The following NPAS3 variants were observed in gnomAD, a reference collection of about 807,000 sequenced individuals.
The protein encoded by NPAS3 is neuronal PAS domain protein 3.
A neutral mutation model predicts 73.1 loss-of-function variants in NPAS3; 14 were observed. The ratio of observed to expected loss-of-function variants is 0.19; its 90% CI spans 0.13 to 0.30. The LOEUF (loss-of-function observed/expected upper bound fraction) is 0.30. Ranked by LOEUF, NPAS3 falls within the 10% of genes least tolerant of loss-of-function variation. The pLI, the probability that NPAS3 is intolerant of heterozygous loss-of-function variation, is 1.00. For synonymous variants in NPAS3, 620 were observed against 541.5 expected (o/e 1.14, Z -2.01); for missense variants, 1,096 against 1,250.0 (o/e 0.88, Z 1.86).
intron 7 of NPAS3, among the ~76,000 whole-genome samples, chr14:33,762,956 G>T (rs1421948374): frequency 6.6e-6 from 1 of 152,176 alleles, no homozygotes; most frequent in East Asian, 1.9e-4. Flanking sequence ...AACAAAAGAG[G>T]AAAATGGAAG....
At chr14:33,784,745 A>ATTTATTTATTTTTTTT (rs1471526546) in intron 9 of NPAS3, among the ~76,000 whole-genome samples, 22 of 73,840 alleles carry the variant, frequency 3.0e-4, no homozygotes, top group African/African-American at 1.3e-3. Flanking sequence ...TTATTTATTT[A>ATTTATTTATTTTTTTT]TTTTTTTTTT....
At chr14:33,022,571 A>G (rs1253332138) in intron 1 of NPAS3, among the ~76,000 whole-genome samples, 1 of 150,078 alleles carries the variant, frequency 6.7e-6, no homozygotes, top group African/African-American at 2.5e-5. Context: ...AGGCTGAGGC[A>G]GGAGAATGGC....
At chr14:33,669,716 T>C (rs1567109847) in intron 5 of NPAS3, among the ~76,000 whole-genome samples, 1 of 152,184 alleles carries the variant, frequency 6.6e-6, no homozygotes, top group Non-Finnish European at 1.5e-5. Flanking sequence ...CCAATGAGTC[T>C]CAATTAGTAG....
chr14:33,207,851 G>A (rs1283105014), intron 2 of NPAS3, among the ~76,000 whole-genome samples: 1 of 152,186 alleles, frequency 6.6e-6, no homozygotes, highest in Non-Finnish European at 1.5e-5. Context: ...AGCTTCAGGA[G>A]TGAGAACACT....
chr14:33,790,779 G>A (rs1333962816), intron 9 of NPAS3, among the ~76,000 whole-genome samples: 1 of 151,978 alleles, frequency 6.6e-6, no homozygotes, highest in Non-Finnish European at 1.5e-5. Flanking sequence ...AGCGATTTTT[G>A]TGCCTCAGCC....
At chr14:33,095,754 C>T (rs2042395756) in intron 2 of NPAS3, among the ~76,000 whole-genome samples, 1 of 148,766 alleles carries the variant, frequency 6.7e-6, no homozygotes, top group Non-Finnish European at 1.5e-5. Context: ...CTGCAAGCTC[C>T]GCCTCCCGGG....
chr14:33,576,599 T>G (rs1281696746), intron 5 of NPAS3, among the ~76,000 whole-genome samples: 1 of 152,076 alleles, frequency 6.6e-6, no homozygotes, highest in Non-Finnish European at 1.5e-5. Context: ...GAGAGGGAGA[T>G]CTCAATAAAT....
chr14:33,630,190 C>A (rs1011430354), intron 5 of NPAS3, among the ~76,000 whole-genome samples: 4 of 152,084 alleles, frequency 2.6e-5, no homozygotes, highest in Admixed American at 2.6e-4. Flanking sequence ...GTTTAAATAC[C>A]TTTCACTTGA....
At chr14:32,962,032 G>A (rs186081336) in intron 1 of NPAS3, among the ~76,000 whole-genome samples, 71 of 152,106 alleles carry the variant, frequency 4.7e-4, no homozygotes, top group African/African-American at 1.6e-3. Flanking sequence ...TTGCAGCTTT[G>A]GGGTCAAAAC....
chr14:33,681,220 A>T (rs1037351784), intron 6 of NPAS3, among the ~76,000 whole-genome samples: 7 of 152,120 alleles, frequency 4.6e-5, no homozygotes, highest in Admixed American at 4.6e-4. Flanking sequence ...TATTTTGTAT[A>T]AAAAAACGGC....
At chr14:33,117,025 A>T (rs1352417445) in intron 2 of NPAS3, among the ~76,000 whole-genome samples, 1 of 152,106 alleles carries the variant, frequency 6.6e-6, no homozygotes, top group Non-Finnish European at 1.5e-5. Flanking sequence ...TTTATAATTT[A>T]TGTGCATTCC....
chr14:33,128,416 T>C (rs761991319), intron 2 of NPAS3, among the ~76,000 whole-genome samples: 8 of 152,198 alleles, frequency 5.3e-5, no homozygotes, highest in Non-Finnish European at 1.2e-4. Context: ...AAATTTGTTA[T>C]CTTAAATATT....
rs189803082 is a variant in NPAS3, at chr14:33,724,147, G to A, written c.734-11067G>A. Among the ~76,000 whole-genome samples, 235 of 151,624 alleles carry A rather than the reference G, an allele frequency of 1.5e-3. 2 individuals are homozygous for A. The highest frequency in any genetic ancestry group is 5.3e-3 in the African/African-American group (218 of 41,378). On this transcript the variant is annotated intron_variant, in intron 6 of 11. Coordinates refer to ENST00000356141, the Ensembl canonical transcript of NPAS3. The stretch of plus-strand genomic sequence containing the variant: ...ATGTATATCATAAACAAAAGTAAAA[G>A]GCAAAAAAATGGGATGTATTTGCAA...
chr14:32,946,348 G>GCACACACACACACACACACACACACACA (rs3057257), intron 1 of NPAS3, among the ~76,000 whole-genome samples: 1 of 139,314 alleles, frequency 7.2e-6, no homozygotes, highest in Non-Finnish European at 1.5e-5. Flanking sequence ...ACACACACGC[G>GCACACACACACACACACACACACACACA]CACACACACA....
At chr14:33,541,644 A>G (rs541662694) in intron 4 of NPAS3, among the ~76,000 whole-genome samples, 4 of 152,234 alleles carry the variant, frequency 2.6e-5, no homozygotes, top group Admixed American at 2.6e-4. Context: ...GAGTGTGAAC[A>G]CCTCTAAGAG....
chr14:33,502,097 T>C (rs2052544801), intron 4 of NPAS3, among the ~76,000 whole-genome samples: 1 of 151,910 alleles, frequency 6.6e-6, no homozygotes, highest in Non-Finnish European at 1.5e-5. Flanking sequence ...TATAGCAGCA[T>C]TAAAAATGAT....
intron 4 of NPAS3, among the ~76,000 whole-genome samples, chr14:33,385,177 T>G (rs563058753): frequency 1.3e-5 from 2 of 152,256 alleles, no homozygotes; most frequent in South Asian, 4.2e-4. Flanking sequence ...GTTCATCCCA[T>G]GGCTTATTTG....
At chr14:33,735,103 C>A in intron 6 of NPAS3, 111 bp from the exon 7 acceptor site, 2 of 752,898 alleles carry the variant, frequency 2.7e-6, no homozygotes, top group African/African-American at 1.7e-5. Flanking sequence ...CTGCTCTTAG[C>A]ACCCATCAGT....
chr14:33,264,563 A>C (rs536541767), intron 3 of NPAS3, among the ~76,000 whole-genome samples: 1 of 152,268 alleles, frequency 6.6e-6, no homozygotes, highest in African/African-American at 2.4e-5. Flanking sequence ...ATATGATTTA[A>C]CTAGATTTTA....
Sources: gnomAD v4.1 joint callset for allele counts (sites outside exome capture counted in the v4.1 genomes callset) on GRCh38, gnomAD v4.1.1 for gene constraint, MANE v1.5 for transcripts, NCBI Gene and HGNC (gene_info 2026-07-23, HGNC 2026-07-21) for gene names.